KIT: variants seen among roughly 807,000 people sequenced by gnomAD.
KIT encodes the protein KIT proto-oncogene, receptor tyrosine kinase, also known as mast/stem cell growth factor receptor Kit.
Under a neutral mutation model 105.7 loss-of-function variants are expected in KIT, and 16 were observed. The ratio of observed to expected loss-of-function variants is 0.15; its 90% confidence interval spans 0.10 to 0.23. The LOEUF (loss-of-function observed/expected upper bound fraction) is 0.23. Ranked by LOEUF, KIT falls within the 10% of genes least tolerant of loss-of-function variation. KIT has a pLI of 1.00. For missense variants in KIT, 858 were observed against 1,213.8 expected (o/e 0.71, Z 4.36); for synonymous variants, 438 against 441.1 (o/e 0.99, Z 0.09).
chr4:54,725,615 G>A (rs1178141670), intron 8 of KIT, among the ~76,000 whole-genome samples: 1 of 152,058 alleles, frequency 6.6e-6, no homozygotes, highest in East Asian at 1.9e-4. Flanking sequence ...GTTGGTGGGG[G>A]TTAAAAACTC....
At chr4:54,663,892 A>G (rs1717485520) in intron 1 of KIT, among the ~76,000 whole-genome samples, 1 of 152,228 alleles carries the variant, frequency 6.6e-6, no homozygotes, top group Non-Finnish European at 1.5e-5. Flanking sequence ...ATAAATGGTC[A>G]GTAAACATTT....
chr4:54,666,845 A>G (rs1717733305), intron 1 of KIT, among the ~76,000 whole-genome samples: 2 of 152,248 alleles, frequency 1.3e-5, no homozygotes, highest in African/African-American at 4.8e-5. Flanking sequence ...AATGCTGAAT[A>G]GACTCTAACA....
chr4:54,705,766 C>T (rs1055879651), intron 5 of KIT, among the ~76,000 whole-genome samples: 2 of 152,098 alleles, frequency 1.3e-5, no homozygotes, highest in Non-Finnish European at 2.9e-5. Flanking sequence ...GCTTGAGTTG[C>T]AGCTACTTGG....
Position 54,697,029 on chromosome 4 carries a change from T to C in KIT, c.337+1248T>C, listed in dbSNP as rs542650341. Among the ~76,000 whole-genome samples, 11 of 152,380 alleles carry C rather than the reference T, an allele frequency of 7.2e-5. No individual in the cohort carries two copies. In the East Asian group the frequency reaches 2.1e-3, roughly 29 times the overall value. On this transcript the variant is annotated intron_variant, in intron 2 of 20. Transcript: ENST00000288135. ...ATTCTTCATAGGGAAAGTCATCTTC[T>C]GTATCTTGGAACTATCCTTAATTAT... is the stretch of plus-strand genomic sequence containing the variant.
intron 17 of KIT, chr4:54,733,486 C>G (rs1356822839): frequency 3.0e-6 from 1 of 338,132 alleles, no homozygotes; most frequent in African/African-American, 2.1e-5. Context: ...CTTGATTTTG[C>G]TCAAGTGTAA....
chr4:54,722,321 A>T (rs906720334), intron 7 of KIT, among the ~76,000 whole-genome samples: 1 of 152,170 alleles, frequency 6.6e-6, no homozygotes. Context: ...TTTCATTTCT[A>T]TAAGTCATTC....
chr4:54,733,043 G>T (rs1445774623), intron 16 of KIT, 27 bp from the exon 17 acceptor site: 1 of 1,601,876 alleles, frequency 6.2e-7, no homozygotes, highest in African/African-American at 1.3e-5. Context: ...AATTTAAATG[G>T]TTTTCTTTTC....
intron 7 of KIT, 73 bp downstream of exon 7, chr4:54,709,612 A>G: frequency 1.1e-6 from 1 of 892,398 alleles, no homozygotes. Flanking sequence ...AACAGCTGCA[A>G]GGACTCAACT....
At chr4:54,689,746 G>A (rs540940837) in intron 1 of KIT, among the ~76,000 whole-genome samples, 62 of 152,258 alleles carry the variant, frequency 4.1e-4, no homozygotes, top group Middle Eastern at 6.8e-3. Flanking sequence ...CTATTTTTAA[G>A]TGTCCCAATT....
intron 7 of KIT, among the ~76,000 whole-genome samples, chr4:54,712,030 A>T (rs946052789): frequency 2.6e-5 from 4 of 152,166 alleles, no homozygotes; most frequent in Non-Finnish European, 5.9e-5. Context: ...CTCATTTAAG[A>T]GATGACCGTA....
At chr4:54,737,834 A>C (rs1723016445) in intron 20 of KIT, among the ~76,000 whole-genome samples, 2 of 152,124 alleles carry the variant, frequency 1.3e-5, no homozygotes, top group South Asian at 4.1e-4. Context: ...TGAAAACTCA[A>C]ATCCATTATT....
At chr4:54,730,414 A>AC (rs1165817429) in intron 14 of KIT, among the ~76,000 whole-genome samples, 4 of 152,212 alleles carry the variant, frequency 2.6e-5, no homozygotes, top group East Asian at 3.9e-4. Flanking sequence ...ATGGGCAATT[A>AC]CCCCTTAAAG....
chr4:54,712,081 C>T (rs894684952), intron 7 of KIT, among the ~76,000 whole-genome samples: 4 of 152,100 alleles, frequency 2.6e-5, no homozygotes, highest in Admixed American at 2.0e-4. Flanking sequence ...GCATATTGTT[C>T]ATACAGAATT....
At chr4:54,723,472 C>A in intron 7 of KIT, 112 bp from the exon 8 acceptor site, 1 of 746,062 alleles carries the variant, frequency 1.3e-6, no homozygotes, top group South Asian at 1.5e-5. Flanking sequence ...AACTTGCTCC[C>A]TCAGGCTACT....
Position 54,727,246 on chromosome 4 carries a change from T to TA in KIT, c.1569_1570insA (p.Pro524ThrfsTer31). 1 of 1,614,166 alleles carries TA rather than the reference T, an allele frequency of 6.2e-7. No homozygotes were observed. Among genetic ancestry groups the TA allele is most frequent in the East Asian group, 2.2e-5 (1 of 44,884 alleles). On this transcript the variant is annotated frameshift_variant, in exon 10 of 21. Coordinates refer to ENST00000288135, the MANE Select transcript of KIT (RefSeq NM_000222.3). LOFTEE classifies it high-confidence loss of function. ...AAATCCATCCCCACACCCTGTTCACTCCTTTGCTGATTGGTTTCGTAATCG... is the reference window on the plus strand; with the variant it reads ...AAATCCATCCCCACACCCTGTTCACTACCTTTGCTGATTGGTTTCGTAATCG...
At chr4:54,664,099 A>C (rs1717501688) in intron 1 of KIT, among the ~76,000 whole-genome samples, 1 of 152,192 alleles carries the variant, frequency 6.6e-6, no homozygotes. Context: ...GAGATCAGGA[A>C]TCAGTAAGAG....
At position 54,732,967 on chromosome 4, in the gene KIT, T is replaced by A. The variant is rs1722703238; in HGVS notation, c.2362-103T>A. On this transcript the variant is annotated intron_variant, in intron 16 of 20. Coordinates refer to ENST00000288135, the MANE Select transcript of KIT (RefSeq NM_000222.3). ...AATACTTTAAAACAAAAGTATTGGA[T>A]TTTTTATAATATAAGCAACACTATA... 4.1e-6 allele frequency: 4 copies of A among 985,462 alleles called. No individual in the cohort carries two copies. In the Admixed American group the frequency reaches 6.4e-5, roughly 16 times the overall value. 61.0% of individuals were successfully genotyped at this position (985,462 alleles called of 1,614,324 possible).
chr4:54,720,330 G>A (rs1382933068), intron 7 of KIT, among the ~76,000 whole-genome samples: 2 of 152,184 alleles, frequency 1.3e-5, no homozygotes, highest in African/African-American at 2.4e-5. Flanking sequence ...ACCCACCTGG[G>A]ATAGAAACTT....
At chr4:54,708,926 CG>C (rs1264254851) in intron 6 of KIT, among the ~76,000 whole-genome samples, 1 of 152,032 alleles carries the variant, frequency 6.6e-6, no homozygotes, top group African/African-American at 2.4e-5. Flanking sequence ...GAGAAGTCTC[CG>C]GGGTGGAGGA....
Sources: allele counts gnomAD v4.1 joint callset (sites outside exome capture counted in the v4.1 genomes callset), GRCh38; gene constraint gnomAD v4.1.1; transcripts MANE v1.5; gene names NCBI Gene and HGNC (gene_info 2026-07-23, HGNC 2026-07-21).